The following DCC variants were observed in gnomAD, a reference collection of about 807,000 sequenced individuals.
The protein encoded by DCC is netrin receptor DCC.
In DCC, 58 loss-of-function variants were observed where a neutral mutation model predicts 172.5. That is an observed-to-expected ratio of 0.34 (90% CI 0.27 to 0.42). The LOEUF is 0.42. Ranked by LOEUF, DCC falls within the 10% of genes least tolerant of loss-of-function variation. DCC has a pLI of 1.00. For synonymous variants in DCC, 709 were observed against 644.5 expected (o/e 1.10, Z -1.52); for missense variants, 1,740 against 1,791.0 (o/e 0.97, Z 0.51).
chr18:52,641,324 A>T (rs2034886773), intron 1 of DCC, among the ~76,000 whole-genome samples: 1 of 152,196 alleles, frequency 6.6e-6, no homozygotes, highest in African/African-American at 2.4e-5. Context: ...CATAACCAAG[A>T]ACCCAAAAGC....
chr18:52,469,801 T>A (rs1384875920), intron 1 of DCC, among the ~76,000 whole-genome samples: 2 of 152,208 alleles, frequency 1.3e-5, no homozygotes, highest in Non-Finnish European at 2.9e-5. Context: ...CTTCTCCTAG[T>A]GGCCCTGCAT....
chr18:52,958,045 T>C (rs2040775509), intron 5 of DCC, among the ~76,000 whole-genome samples: 2 of 152,126 alleles, frequency 1.3e-5, no homozygotes, highest in Admixed American at 1.3e-4. Context: ...AACAGTGGTA[T>C]GGAAAATGAA....
chr18:52,642,718 C>G (rs2034934299), intron 1 of DCC, among the ~76,000 whole-genome samples: 1 of 152,104 alleles, frequency 6.6e-6, no homozygotes, highest in African/African-American at 2.4e-5. Flanking sequence ...GGCTGGAGTG[C>G]AATGGCACAA....
chr18:53,356,302 T>G (rs2057877263), intron 15 of DCC, among the ~76,000 whole-genome samples: 1 of 152,172 alleles, frequency 6.6e-6, no homozygotes. Context: ...TACAAATTAT[T>G]TTATCTGTCT....
chr18:52,617,569 G>T (rs971203119), intron 1 of DCC, among the ~76,000 whole-genome samples: 1 of 151,894 alleles, frequency 6.6e-6, no homozygotes, highest in African/African-American at 2.4e-5. Flanking sequence ...GTGAACCTTG[G>T]TTCACATTCC....
intron 1 of DCC, among the ~76,000 whole-genome samples, chr18:52,486,440 A>G (rs1305242938): frequency 6.6e-6 from 1 of 152,182 alleles, no homozygotes; most frequent in East Asian, 1.9e-4. Flanking sequence ...CTGATTTCAC[A>G]AAATAGAAAG....
chr18:52,985,417 C>G (rs1425143835), intron 5 of DCC, among the ~76,000 whole-genome samples: 1 of 152,082 alleles, frequency 6.6e-6, no homozygotes, highest in Non-Finnish European at 1.5e-5. Flanking sequence ...GCATTCAATA[C>G]TGCTGATGAG....
In DCC at chr18:52,510,402, TAG is replaced by T. The variant is rs376754401; in HGVS notation, c.91+169526_91+169527del. Among the ~76,000 whole-genome samples, 93 of 152,334 alleles carry T rather than the reference TAG, an allele frequency of 6.1e-4. No homozygotes were observed. The East Asian group carries it at 0.017, about 27-fold the overall frequency. ...CGTGGCAGCCTGCCTGTCTCCTAGGTAGATTTGCGATCTTGGATTCCCCATGA... is the reference window on the plus strand; with the variant it reads ...CGTGGCAGCCTGCCTGTCTCCTAGGTATTTGCGATCTTGGATTCCCCATGA... On this transcript the variant is annotated intron_variant, in intron 1 of 28. Coordinates refer to ENST00000442544, the MANE Select transcript of DCC (RefSeq NM_005215.4).
intron 1 of DCC, among the ~76,000 whole-genome samples, chr18:52,675,351 G>A (rs553075487): frequency 1.4e-4 from 21 of 152,158 alleles, no homozygotes; most frequent in East Asian, 1.9e-4. Context: ...CACCATGCCC[G>A]GCCTAATCCC....
intron 14 of DCC, among the ~76,000 whole-genome samples, chr18:53,334,832 T>C (rs1048201611): frequency 6.6e-6 from 1 of 152,214 alleles, no homozygotes; most frequent in African/African-American, 2.4e-5. Flanking sequence ...AATGCATTTA[T>C]ACATTGGTGG....
chr18:52,601,009 A>T (rs1447332650), intron 1 of DCC, among the ~76,000 whole-genome samples: 1 of 152,160 alleles, frequency 6.6e-6, no homozygotes, highest in East Asian at 1.9e-4. Context: ...AAACCTTTTC[A>T]TAAAAAGGAC....
intron 15 of DCC, among the ~76,000 whole-genome samples, chr18:53,347,699 T>A (rs1220739847): frequency 6.6e-6 from 1 of 152,136 alleles, no homozygotes; most frequent in Non-Finnish European, 1.5e-5. Flanking sequence ...AAGAAAGAGG[T>A]TTAATTGGAC....
Position 53,530,982 on chromosome 18 carries a change from CT to C in DCC, c.*332del. ...TGTCATAACTAATACCTATGTTTTC[CT>C]TTGTCAAGGCCTGTTGTTTAATGTG... On this transcript the variant is annotated 3_prime_UTR_variant, in exon 29 of 29. Coordinates refer to ENST00000442544, the MANE Select transcript of DCC (RefSeq NM_005215.4). 2.4e-6 allele frequency: 1 copy of C among 421,906 alleles called. No homozygotes were observed. The highest frequency in any genetic ancestry group is 4.4e-6 in the Non-Finnish European group (1 of 224,906). The allele number at this position is 421,906 out of a possible 1,614,324, so 26.1% of individuals were successfully genotyped here.
intron 5 of DCC, among the ~76,000 whole-genome samples, chr18:53,028,089 T>C (rs1181434045): frequency 2.0e-5 from 3 of 152,160 alleles, no homozygotes; most frequent in Non-Finnish European, 4.4e-5. Flanking sequence ...AGGTAGCCAG[T>C]CTAAAATACA....
intron 7 of DCC, among the ~76,000 whole-genome samples, chr18:53,099,943 C>CTTTTTTTTTTTTTT (rs533618559): frequency 6.5e-5 from 6 of 92,754 alleles, no homozygotes; most frequent in African/African-American, 1.5e-4. Flanking sequence ...TTCTTTCTTT[C>CTTTTTTTTTTTTTT]TTTTTTTTTT....
At chr18:52,392,188 A>G (rs1381514873) in intron 1 of DCC, among the ~76,000 whole-genome samples, 1 of 152,152 alleles carries the variant, frequency 6.6e-6, no homozygotes, top group African/African-American at 2.4e-5. Context: ...AGATGAATAG[A>G]TGGCTCATAG....
At chr18:53,029,802 C>A (rs573772040) in intron 5 of DCC, among the ~76,000 whole-genome samples, 2 of 152,180 alleles carry the variant, frequency 1.3e-5, no homozygotes, top group South Asian at 4.2e-4. Context: ...GTGGAGAGAG[C>A]CTATTTGTCT....
intron 1 of DCC, among the ~76,000 whole-genome samples, chr18:52,498,054 T>C (rs937234451): frequency 6.6e-6 from 1 of 152,228 alleles, no homozygotes; most frequent in African/African-American, 2.4e-5. Context: ...GGCTGTGCTA[T>C]AATAAAACTT....
intron 28 of DCC, chr18:53,527,016 A>G (rs2144619609): frequency 4.0e-6 from 2 of 493,916 alleles, no homozygotes; most frequent in Non-Finnish European, 7.4e-6. Flanking sequence ...ATGACCAGAT[A>G]GCTACAGAAC....
Sources: gnomAD v4.1 joint callset for allele counts (sites outside exome capture counted in the v4.1 genomes callset) on GRCh38, gnomAD v4.1.1 for gene constraint, MANE v1.5 for transcripts, NCBI Gene and HGNC (gene_info 2026-07-23, HGNC 2026-07-21) for gene names.